PPP1R9A: variants seen among roughly 807,000 people sequenced by gnomAD.
PPP1R9A encodes protein phosphatase 1 regulatory subunit 9A.
In PPP1R9A, 59 loss-of-function variants were observed where a neutral mutation model predicts 141.9. The observed-to-expected ratio is 0.42, with a 90% CI of 0.34 to 0.52. The LOEUF is 0.52. Among genes scored for constraint, PPP1R9A ranks in the 20% least tolerant of loss-of-function variants. The pLI, the probability that PPP1R9A is intolerant of heterozygous loss-of-function variation, is 0.10. For missense variants in PPP1R9A, 1,444 were observed against 1,611.9 expected (o/e 0.90, Z 1.78); for synonymous variants, 500 against 569.7 (o/e 0.88, Z 1.74).
intron 4 of PPP1R9A, among the ~76,000 whole-genome samples, chr7:95,130,652 G>A (rs967200912): frequency 1.3e-5 from 2 of 152,182 alleles, no homozygotes; most frequent in Non-Finnish European, 2.9e-5. Flanking sequence ...GCCCATGAAA[G>A]CAGCTGGGAG....
At chr7:94,922,987 A>C (rs1793034374) in intron 2 of PPP1R9A, among the ~76,000 whole-genome samples, 1 of 152,106 alleles carries the variant, frequency 6.6e-6, no homozygotes, top group African/African-American at 2.4e-5. Context: ...CATGTCACAG[A>C]AAAAAAATTT....
intron 2 of PPP1R9A, among the ~76,000 whole-genome samples, chr7:94,987,279 C>G (rs1179242502): frequency 6.6e-6 from 1 of 152,088 alleles, no homozygotes; most frequent in Non-Finnish European, 1.5e-5. Context: ...AGCAGATAAG[C>G]AGCGTCTCAA....
chr7:94,912,491 C>G (rs1191311173), intron 2 of PPP1R9A, among the ~76,000 whole-genome samples: 3 of 152,088 alleles, frequency 2.0e-5, no homozygotes, highest in Non-Finnish European at 4.4e-5. Flanking sequence ...ATTCTAGGGG[C>G]TTCTAGCTTA....
In PPP1R9A at chr7:95,269,381, G is replaced by C. The variant is rs1563532674; in HGVS notation, c.2998G>C (p.Glu1000Gln). The stretch of plus-strand genomic sequence containing the variant: ...ATTTCAAGAAGAACCACTGGACCCA[G>C]AAATGGGGCCTCTCTCCTCTATGTG... ...AEFQEEPLDP[E>Q]MGPLSSMWGD... The change falls in exon 14 of 20, where the codon GAA becomes CAA. Residue 1000 changes from glutamate to glutamine, a missense_variant. Transcript: ENST00000433360. 6.3e-7 allele frequency: 1 copy of C among 1,597,970 alleles called. No individual in the cohort carries two copies.
chr7:95,039,440 C>T (rs1309620955), intron 2 of PPP1R9A, among the ~76,000 whole-genome samples: 3 of 151,844 alleles, frequency 2.0e-5, no homozygotes, highest in Non-Finnish European at 2.9e-5. Context: ...TGCCTATAAT[C>T]CCAGCTACTC....
At chr7:95,014,872 C>T (rs927204346) in intron 2 of PPP1R9A, among the ~76,000 whole-genome samples, 4 of 151,998 alleles carry the variant, frequency 2.6e-5, no homozygotes, top group Non-Finnish European at 2.9e-5. Flanking sequence ...TTATCTTAAT[C>T]TATGAGTTAA....
intron 4 of PPP1R9A, among the ~76,000 whole-genome samples, chr7:95,159,925 C>CAAAAA (rs751687197): frequency 9.4e-6 from 1 of 106,650 alleles, no homozygotes; most frequent in Non-Finnish European, 1.9e-5. Flanking sequence ...GACATTGTCT[C>CAAAAA]AAAAAAAAAA....
In PPP1R9A at chr7:94,911,231, A is replaced by G. The variant is rs756750837; in HGVS notation, c.1118A>G (p.Asp373Gly). ...GCAGGTGGTGATTTCACCTCTCCTG[A>G]TGCTTCTGCATCCAGTTGTGGAAAA... Reference protein sequence around the residue: ...ELAGGDFTSPDASASSCGKEV... With the variant: ...ELAGGDFTSPGASASSCGKEV... Residue 373 changes from aspartate to glycine, a missense_variant, in exon 2 of 20, where the codon GAT becomes GGT. Physicochemically the swap from Asp to Gly is moderately conservative, Grantham distance 94. Coordinates refer to ENST00000433360, the MANE Select transcript of PPP1R9A (RefSeq NM_001166160.2). 10 of 1,614,212 alleles carry G rather than the reference A, an allele frequency of 6.2e-6. No homozygotes were observed. Among genetic ancestry groups the G allele is most frequent in the Non-Finnish European group, 8.5e-6 (10 of 1,180,020 alleles).
At chr7:94,974,839 A>C (rs1418110107) in intron 2 of PPP1R9A, among the ~76,000 whole-genome samples, 1 of 151,256 alleles carries the variant, frequency 6.6e-6, no homozygotes, top group Non-Finnish European at 1.5e-5. Flanking sequence ...AGAGAAGAGA[A>C]AGTTATAGAG....
chr7:94,935,001 A>G (rs975777203), intron 2 of PPP1R9A, among the ~76,000 whole-genome samples: 3 of 152,130 alleles, frequency 2.0e-5, no homozygotes, highest in African/African-American at 7.2e-5. Context: ...CTTGGAGTAC[A>G]GTTGCGCTCC....
At chr7:94,987,864 A>C (rs1213034452) in intron 2 of PPP1R9A, among the ~76,000 whole-genome samples, 6 of 152,098 alleles carry the variant, frequency 3.9e-5, no homozygotes, top group Admixed American at 3.3e-4. Flanking sequence ...GATGTTATTC[A>C]GATTTCCAGC....
rs1455637023 is a variant in PPP1R9A at position 95,226,024 on chromosome 7, A to G, written c.2020A>G (p.Met674Val). 1 of 1,613,598 alleles carries G rather than the reference A, an allele frequency of 6.2e-7. No individual in the cohort carries two copies. Among genetic ancestry groups the G allele is most frequent in the African/African-American group, 1.3e-5 (1 of 75,020 alleles). Residue 674 changes from methionine (M) to valine (V), a missense_variant, in exon 8 of 20, where the codon ATG becomes GTG. Physicochemically the swap from Met to Val is conservative, Grantham distance 21 (BLOSUM62 1). Transcript: ENST00000433360. ...EVGPVLPGSD[M>V]AIEVFELPEN... ...AGGACCTGTCCTTCCTGGCAGCGAC[A>G]TGGCCATTGAAGTCTTTGAGCTGCC...
chr7:95,140,244 A>G (rs1191905261), intron 4 of PPP1R9A, among the ~76,000 whole-genome samples: 1 of 152,192 alleles, frequency 6.6e-6, no homozygotes, highest in Non-Finnish European at 1.5e-5. Flanking sequence ...GGAAAAAGTG[A>G]TTATGGACCT....
At chr7:95,185,707 G>A (rs1834547967) in intron 5 of PPP1R9A, among the ~76,000 whole-genome samples, 1 of 152,066 alleles carries the variant, frequency 6.6e-6, no homozygotes, top group Non-Finnish European at 1.5e-5. Flanking sequence ...TTTTGTATAA[G>A]GTGAGAGGTG....
chr7:95,249,890 C>G, intron 9 of PPP1R9A, 136 bp from the exon 10 acceptor site: 2 of 1,216,788 alleles, frequency 1.6e-6, no homozygotes, highest in Non-Finnish European at 2.2e-6. Context: ...AAAAATAATA[C>G]CTGCTTTTCT....
chr7:95,183,392 G>C (rs1054844286), intron 5 of PPP1R9A, among the ~76,000 whole-genome samples: 28 of 150,766 alleles, frequency 1.9e-4, no homozygotes, highest in Non-Finnish European at 3.5e-4. Flanking sequence ...TGCCCACCTT[G>C]GCCTCCCAAA....
At chr7:95,164,805 T>C (rs1380805524) in intron 5 of PPP1R9A, among the ~76,000 whole-genome samples, 1 of 151,316 alleles carries the variant, frequency 6.6e-6, no homozygotes, top group Non-Finnish European at 1.5e-5. Context: ...ATTCTCTATT[T>C]TCTGTTTTTA....
chr7:94,954,325 T>C (rs776628848), intron 2 of PPP1R9A, among the ~76,000 whole-genome samples: 1 of 152,026 alleles, frequency 6.6e-6, no homozygotes, highest in African/African-American at 2.4e-5. Context: ...TTACTGACAG[T>C]TTTTTACTAA....
intron 7 of PPP1R9A, among the ~76,000 whole-genome samples, chr7:95,215,225 T>G (rs1009927359): frequency 6.7e-6 from 1 of 149,332 alleles, no homozygotes; most frequent in Admixed American, 6.7e-5. Flanking sequence ...GCGGTGTTTG[T>G]TTTTTTTGTT....
Sources: gnomAD v4.1 joint callset for allele counts (sites outside exome capture counted in the v4.1 genomes callset) on GRCh38, gnomAD v4.1.1 for gene constraint, MANE v1.5 for transcripts, NCBI Gene and HGNC (gene_info 2026-07-23, HGNC 2026-07-21) for gene names.